Variants in NOS1 observed in about 807,000 individuals in gnomAD.
The protein encoded by NOS1 is NOS type I.
A neutral mutation model predicts 164.5 loss-of-function variants in NOS1; 51 were observed. The observed-to-expected ratio is 0.31, with a 90% confidence interval of 0.25 to 0.39. The LOEUF (loss-of-function observed/expected upper bound fraction) is 0.39. Ranked by LOEUF, NOS1 falls within the 10% of genes least tolerant of loss-of-function variation. NOS1 has a pLI of 1.00. For missense variants in NOS1, 1,362 were observed against 1,885.6 expected (o/e 0.72, Z 5.14); for synonymous variants, 719 against 745.8 (o/e 0.96, Z 0.59).
Position 117,330,610 on chromosome 12 carries a change from C to A in NOS1, c.460G>T (p.Gly154Cys), listed in dbSNP as rs755417186. ...EQPLAVDGAS[G>C]PGNGPQHAYD... ...GCATGCTGAGGCCCATTCCCGGGAC[C>A]CGAGGCCCCATCCACTGCCAGGGGC... Residue 154 changes from glycine (G) to cysteine (C), a missense_variant, in exon 2 of 29, where the codon GGT (glycine) becomes TGT (cysteine). By Grantham distance (159) the Gly-to-Cys change is radical. This residue lies in a region of NOS1 where 362 missense variants were observed against 402.0 expected (regional missense o/e 0.90). Coordinates refer to ENST00000317775, the MANE Select transcript of NOS1 (RefSeq NM_000620.5). This position sits in a 1 kb window ranked among gnomAD's most constrained non-coding sequence, Gnocchi z 4.6. 1.2e-6 allele frequency: 2 copies of A among 1,611,632 alleles called. No individual in the cohort carries two copies. The highest frequency in any genetic ancestry group is 1.7e-5 in the Admixed American group (1 of 59,948).
chr12:117,219,970 G>T (rs986816269), intron 27 of NOS1, 105 bp downstream of exon 27: 11 of 1,073,360 alleles, frequency 1.0e-5, no homozygotes, highest in Non-Finnish European at 1.5e-5. Flanking sequence ...TGGGAGCAGG[G>T]ATATCATCGT....
intron 3 of NOS1, 126 bp from the exon 4 acceptor site, chr12:117,290,552 C>T: frequency 8.5e-7 from 1 of 1,170,668 alleles, no homozygotes; most frequent in Non-Finnish European, 1.2e-6. Context: ...CTGTCTACAT[C>T]CAGAGTAAGA....
At chr12:117,337,745 T>G (rs1274436579) in intron 1 of NOS1, among the ~76,000 whole-genome samples, 1 of 152,126 alleles carries the variant, frequency 6.6e-6, no homozygotes, top group Non-Finnish European at 1.5e-5. Context: ...GAGGTCATAG[T>G]AGAATGTCCC....
At position 117,335,748 on chromosome 12, in the gene NOS1, G is replaced by GAGAGAGAGAGAGAA. The variant is rs746075894; in HGVS notation, c.-420-4260_-420-4259insTTCTCTCTCTCTCT. On this transcript the variant is annotated intron_variant, in intron 1 of 28. Coordinates refer to ENST00000317775, the MANE Select transcript of NOS1 (RefSeq NM_000620.5). ...ACTATATGAGAGAGAGAGAGAGAGAGAGAGAGAGAGAGAGAGAGAGAGACA... is the reference window on the plus strand; with the variant it reads ...ACTATATGAGAGAGAGAGAGAGAGAGAGAGAGAGAGAGAAAGAGAGAGAGAGAGAGAGAGAGACA... Among the ~76,000 whole-genome samples, 872 of 148,550 alleles carry GAGAGAGAGAGAGAA rather than the reference G, an allele frequency of 5.9e-3. 12 individuals are homozygous for GAGAGAGAGAGAGAA. Among genetic ancestry groups the GAGAGAGAGAGAGAA allele is most frequent in the Non-Finnish European group, 0.01 (702 of 67,768 alleles).
intron 6 of NOS1, among the ~76,000 whole-genome samples, 162 bp from the exon 7 acceptor site, chr12:117,285,494 C>T (rs1039847597): frequency 6.6e-6 from 1 of 151,114 alleles, no homozygotes; most frequent in African/African-American, 2.4e-5. Context: ...TTTATATTTT[C>T]TCTTTTCTAT....
intron 3 of NOS1, among the ~76,000 whole-genome samples, chr12:117,291,348 C>T (rs1873042040): frequency 6.6e-6 from 1 of 151,918 alleles, no homozygotes. Context: ...ACTTACCGTC[C>T]CCTCTGTCTT....
intron 3 of NOS1, among the ~76,000 whole-genome samples, chr12:117,308,587 T>C (rs1874272500): frequency 6.6e-6 from 1 of 151,042 alleles, no homozygotes; most frequent in African/African-American, 2.4e-5. Context: ...CGCAATGTGG[T>C]CAGATTATAT....
At chr12:117,246,678 T>C (rs940826054) in intron 18 of NOS1, among the ~76,000 whole-genome samples, 7 of 152,206 alleles carry the variant, frequency 4.6e-5, no homozygotes, top group African/African-American at 1.7e-4. Context: ...GCCTTCTGTC[T>C]CTATGGATTT....
intron 17 of NOS1, among the ~76,000 whole-genome samples, chr12:117,249,429 G>A (rs1592950061): frequency 6.6e-6 from 1 of 152,242 alleles, no homozygotes; most frequent in Non-Finnish European, 1.5e-5. Context: ...GGACCAATTG[G>A]GGAAATTAGT....
At chr12:117,355,951 C>G (rs978872297) in intron 1 of NOS1, among the ~76,000 whole-genome samples, 2 of 152,138 alleles carry the variant, frequency 1.3e-5, no homozygotes, top group African/African-American at 4.8e-5. Context: ...TGGAGTCTCA[C>G]TCTGTTTCCC....
chr12:117,346,481 A>C (rs371558931), intron 1 of NOS1, among the ~76,000 whole-genome samples: 5 of 152,286 alleles, frequency 3.3e-5, no homozygotes, highest in African/African-American at 1.2e-4. Context: ...AGAAAACAAA[A>C]ACAAAAACAA....
chr12:117,237,847 T>C (rs1214272758), intron 20 of NOS1, among the ~76,000 whole-genome samples: 2 of 152,104 alleles, frequency 1.3e-5, no homozygotes, highest in African/African-American at 2.4e-5. Context: ...CCTATTCTCA[T>C]TGAGAAGTCA....
At chr12:117,340,871 C>CT (rs775978271) in intron 1 of NOS1, among the ~76,000 whole-genome samples, 9,605 of 94,870 alleles carry the variant, frequency 0.1, 562 homozygotes, top group South Asian at 0.19. Flanking sequence ...TCACACCTGG[C>CT]TATTTTTTTT....
rs777287962 is a variant in NOS1, at chr12:117,212,225, C to G, written c.*3084G>C. 1.4e-5 allele frequency: 14 copies of G among 985,244 alleles called. No individual in the cohort carries two copies. Among genetic ancestry groups the G allele is most frequent in the Non-Finnish European group, 1.7e-5 (14 of 829,928 alleles). 61.0% of individuals were successfully genotyped at this position (985,244 alleles called of 1,614,324 possible). A position where few individuals can be genotyped will look rare whatever the true frequency, so the allele number is the denominator to read the frequency against. On this transcript the variant is annotated 3_prime_UTR_variant, in exon 29 of 29. Coordinates refer to ENST00000317775, the MANE Select transcript of NOS1 (RefSeq NM_000620.5). ...TTTTGAACCAGGTACTGTAACTGGG[C>G]ATTTCGTGGGCATTGTCTCATTCAA...
At chr12:117,306,899 C>T (rs1008673229) in intron 3 of NOS1, among the ~76,000 whole-genome samples, 5 of 152,208 alleles carry the variant, frequency 3.3e-5, no homozygotes, top group South Asian at 2.1e-4. Flanking sequence ...GGATTACAGG[C>T]GTGAGCCACC....
rs548624504 is a variant in NOS1 at position 117,257,931 on chromosome 12, A to C, written c.2531+466T>G. On this transcript the variant is annotated intron_variant, in intron 16 of 28. Transcript: ENST00000317775. ...GCGATTCTCCCGCCTCAGCCTCCCG[A>C]GTAGCTGGGATTACATACATGCGCC... is the stretch of plus-strand genomic sequence containing the variant. Among the ~76,000 whole-genome samples, 3 of 151,194 alleles carry C rather than the reference A, an allele frequency of 2.0e-5. No individual in the cohort carries two copies. The South Asian group carries it at 6.3e-4, about 32-fold the overall frequency.
chr12:117,305,404 C>T (rs1339926070), intron 3 of NOS1, among the ~76,000 whole-genome samples: 1 of 150,458 alleles, frequency 6.6e-6, no homozygotes, highest in Non-Finnish European at 1.5e-5. Flanking sequence ...GCGGAGCTTG[C>T]AGTGAGCGGA....
chr12:117,256,284 G>GTTGTTTTTTTTTTTTTTTTTTTTTT (rs549611283), intron 16 of NOS1, among the ~76,000 whole-genome samples: 3 of 118,484 alleles, frequency 2.5e-5, no homozygotes, highest in African/African-American at 1.1e-4. Flanking sequence ...GGGATTTTCT[G>GTTGTTTTTTTTTTTTTTTTTTTTTT]TTTTTTTTTT....
intron 6 of NOS1, 147 bp downstream of exon 6, chr12:117,285,957 T>G: frequency 1.2e-6 from 1 of 809,058 alleles, no homozygotes; most frequent in South Asian, 1.8e-5. Flanking sequence ...GATCTTGGAA[T>G]GTGGGACCCC....
Sources: allele counts gnomAD v4.1 joint callset (sites outside exome capture counted in the v4.1 genomes callset), GRCh38; gene constraint gnomAD v4.1.1; regional missense constraint gnomAD v4.1.1; non-coding constraint Gnocchi (gnomAD v3.1); transcripts MANE v1.5; gene names NCBI Gene and HGNC (gene_info 2026-07-23, HGNC 2026-07-21).